MICAL3: variants seen among roughly 807,000 people sequenced by gnomAD.
The protein encoded by MICAL3 is microtubule associated monooxygenase, calponin and LIM domain containing 3, also known as [F-actin]-monooxygenase MICAL3.
A neutral mutation model predicts 207.4 loss-of-function variants in MICAL3; 62 were observed. The observed-to-expected ratio is 0.30, with a 90% CI of 0.24 to 0.37. The LOEUF is 0.37. Among genes scored for constraint, MICAL3 ranks in the 10% least tolerant of loss-of-function variants. MICAL3 has a pLI of 1.00. For synonymous variants in MICAL3, 1,077 were observed against 1,069.3 expected (o/e 1.01, Z -0.14); for missense variants, 2,368 against 2,635.6 (o/e 0.90, Z 2.22).
At chr22:17,950,341 T>TTG (rs1556452296) in intron 1 of MICAL3, among the ~76,000 whole-genome samples, 6 of 108,516 alleles carry the variant, frequency 5.5e-5, no homozygotes, top group African/African-American at 1.8e-4. Flanking sequence ...GTTTTTGTTT[T>TTG]TTTTTTTTTT....
intron 25 of MICAL3, among the ~76,000 whole-genome samples, chr22:17,820,902 A>T (rs1348567126): frequency 2.1e-5 from 3 of 145,926 alleles, no homozygotes; most frequent in Non-Finnish European, 4.5e-5. Flanking sequence ...ATAAATTTTA[A>T]TAAATTTATA....
intron 1 of MICAL3, among the ~76,000 whole-genome samples, chr22:17,971,438 C>T (rs1296061970): frequency 6.6e-6 from 1 of 152,234 alleles, no homozygotes; most frequent in Non-Finnish European, 1.5e-5. Flanking sequence ...AGCTATCGCA[C>T]CATTGCACTC....
chr22:17,943,474 C>T (rs1392649380), intron 1 of MICAL3, among the ~76,000 whole-genome samples: 1 of 152,236 alleles, frequency 6.6e-6, no homozygotes, highest in African/African-American at 2.4e-5. Context: ...CTGCATCTAT[C>T]CTTCTCTTAA....
At chr22:17,806,735 T>C (rs1036352678) in intron 29 of MICAL3, among the ~76,000 whole-genome samples, 9 of 150,420 alleles carry the variant, frequency 6.0e-5, no homozygotes, top group Non-Finnish European at 1.3e-4. Context: ...CTTGAACTTA[T>C]CATCTTGTGA....
intron 9 of MICAL3, 44 bp from the exon 10 acceptor site, chr22:17,895,454 T>C (rs1405723842): frequency 1.9e-6 from 3 of 1,607,380 alleles, no homozygotes; most frequent in African/African-American, 2.7e-5. Flanking sequence ...ACCAGCACCA[T>C]GAACATCTCC....
intron 1 of MICAL3, among the ~76,000 whole-genome samples, chr22:18,002,164 C>G (rs1428771167): frequency 1.3e-5 from 2 of 151,984 alleles, no homozygotes; most frequent in East Asian, 3.9e-4. Context: ...TGCCACTGCA[C>G]TACAGCCTGG....
chr22:17,981,191 T>C (rs1332949049), intron 1 of MICAL3, among the ~76,000 whole-genome samples: 3 of 152,080 alleles, frequency 2.0e-5, no homozygotes, highest in Non-Finnish European at 4.4e-5. Flanking sequence ...AAATACACAA[T>C]TATACACTTA....
intron 1 of MICAL3, among the ~76,000 whole-genome samples, chr22:18,007,001 C>G (rs1208361597): frequency 2.0e-5 from 3 of 152,092 alleles, no homozygotes; most frequent in African/African-American, 7.2e-5. Context: ...AGATTACAGG[C>G]ACCCGCCATC....
intron 27 of MICAL3, 119 bp downstream of exon 27, chr22:17,816,571 C>G: frequency 6.3e-6 from 5 of 790,576 alleles, no homozygotes; most frequent in Non-Finnish European, 1.0e-5. Flanking sequence ...GCTGGCTATG[C>G]GCCACTAGCT....
intron 18 of MICAL3, among the ~76,000 whole-genome samples, chr22:17,865,446 G>A (rs1926987359): frequency 6.6e-6 from 1 of 152,204 alleles, no homozygotes; most frequent in Non-Finnish European, 1.5e-5. Context: ...AAAATTCACA[G>A]ACAAATAACT....
At chr22:17,838,068 G>C (rs1178128917) in intron 20 of MICAL3, among the ~76,000 whole-genome samples, 1 of 152,212 alleles carries the variant, frequency 6.6e-6, no homozygotes, top group African/African-American at 2.4e-5. Context: ...GCCTCCCACA[G>C]TGCTGGGATT....
chr22:17,891,636 A>T lies in MICAL3; in HGVS notation c.1547-4T>A, dbSNP rs765583873. On this transcript the variant is annotated splice_polypyrimidine_tract_variant and splice_region_variant and intron_variant, in intron 11 of 31. Coordinates refer to ENST00000441493, the MANE Select transcript of MICAL3 (RefSeq NM_015241.3). Reference sequence around the variant, plus strand: ...TTGCTTGAACGAGCTACAGACTCTAAAACAACAAAACACAGTATTATTGGA... The same window carrying T: ...TTGCTTGAACGAGCTACAGACTCTATAACAACAAAACACAGTATTATTGGA... 6.2e-7 allele frequency: 1 copy of T among 1,613,612 alleles called. No individual in the cohort carries two copies. The highest frequency in any genetic ancestry group is 2.2e-5 in the East Asian group (1 of 44,882).
At chr22:17,888,948 G>T in intron 13 of MICAL3, 86 bp downstream of exon 13, 1 of 900,684 alleles carries the variant, frequency 1.1e-6, no homozygotes, top group Non-Finnish European at 1.7e-6. Flanking sequence ...TGGTGGCACT[G>T]CTGCGGGACA....
chr22:17,826,488 C>T (rs981744997), intron 22 of MICAL3: 36 of 985,844 alleles, frequency 3.7e-5, no homozygotes, highest in Middle Eastern at 5.2e-4. Flanking sequence ...CCTGCACCGC[C>T]GCGTGGCGTA....
intron 19 of MICAL3, among the ~76,000 whole-genome samples, chr22:17,843,718 C>G: frequency 6.6e-6 from 1 of 152,220 alleles, no homozygotes; most frequent in Non-Finnish European, 1.5e-5. Context: ...AGTCTGGTGT[C>G]CAGTAATATT....
In MICAL3 at chr22:17,887,454, G is replaced by T. The variant is rs771581272; in HGVS notation, c.1892-19C>A. The T allele has an allele frequency of 1.8e-5, 29 of 1,575,452 alleles. No individual in the cohort carries two copies. The highest frequency in any genetic ancestry group is 2.4e-5 in the Non-Finnish European group (28 of 1,147,030). On this transcript the variant is annotated intron_variant, in intron 13 of 31. Coordinates refer to ENST00000441493, the MANE Select transcript of MICAL3 (RefSeq NM_015241.3). ...AAGGTGTCTGGGAATAGAAACCAGTGATGTTCAAGCACAGCCCTTGAGGGC... is the reference window on the plus strand; with the variant it reads ...AAGGTGTCTGGGAATAGAAACCAGTTATGTTCAAGCACAGCCCTTGAGGGC...
chr22:17,809,499 T>C (rs28650815), intron 28 of MICAL3, among the ~76,000 whole-genome samples: 88 of 152,312 alleles, frequency 5.8e-4, no homozygotes, highest in Non-Finnish European at 4.9e-4. Context: ...CTGGATGTGG[T>C]GGCACAGGCC....
chr22:17,816,648 C>G, intron 27 of MICAL3, 42 bp downstream of exon 27: 1 of 1,458,574 alleles, frequency 6.9e-7, no homozygotes, highest in African/African-American at 1.4e-5. Context: ...AATGAACAGA[C>G]AGGGCCCCAG....
At chr22:17,862,184 A>T (rs941243740) in intron 19 of MICAL3, 113 of 985,110 alleles carry the variant, frequency 1.1e-4, no homozygotes, top group Non-Finnish European at 1.2e-4. Flanking sequence ...AGAGGCGGTT[A>T]CCATGGGCCT....
Sources: allele counts gnomAD v4.1 joint callset (sites outside exome capture counted in the v4.1 genomes callset), GRCh38; gene constraint gnomAD v4.1.1; transcripts MANE v1.5; gene names NCBI Gene and HGNC (gene_info 2026-07-23, HGNC 2026-07-21).